The following PTBP3 variants were observed in gnomAD, a reference collection of about 807,000 sequenced individuals.
The protein encoded by PTBP3 is polypyrimidine tract binding protein 3, also known as polypyrimidine tract-binding protein 3.
A neutral mutation model predicts 58.7 loss-of-function variants in PTBP3; 20 were observed. That is an observed-to-expected ratio of 0.34 (90% CI 0.24 to 0.50). The LOEUF (loss-of-function observed/expected upper bound fraction) is 0.50, where lower values mean the gene tolerates loss of function less well. Ranked by LOEUF, PTBP3 falls within the 20% of genes least tolerant of loss-of-function variation. PTBP3 has a pLI of 0.98. For synonymous variants in PTBP3, 185 were observed against 219.8 expected (o/e 0.84, Z 1.40); for missense variants, 509 against 637.2 (o/e 0.80, Z 2.17).
rs182267038 is a variant in PTBP3, at chr9:112,298,959, A to G, written c.-51-1043T>C. 3.9e-4 allele frequency among the ~76,000 whole-genome samples: 60 copies of G among 152,268 alleles called. 1 individual carries two copies. The East Asian group carries it at 9.1e-3, about 23-fold the overall frequency. ...TAAGCAGGATAAAAGAAAACTGAAA[A>G]TCTCAACTCCCAGAAAAATCAAGAT... On this transcript the variant is annotated intron_variant, in intron 1 of 13. Coordinates refer to ENST00000374257, the MANE Select transcript of PTBP3 (RefSeq NM_001163788.4).
intron 2 of PTBP3, among the ~76,000 whole-genome samples, chr9:112,286,207 A>G (rs1440567813): frequency 6.6e-6 from 1 of 152,174 alleles, no homozygotes. Context: ...CATATTTAAA[A>G]TGGGTTTCTT....
chr9:112,292,768 G>C (rs1425221760), intron 2 of PTBP3, among the ~76,000 whole-genome samples: 1 of 152,154 alleles, frequency 6.6e-6, no homozygotes, highest in Non-Finnish European at 1.5e-5. Context: ...GAAGAGAAAA[G>C]GAAGAGTTGT....
chr9:112,327,786 A>G lies in PTBP3; in HGVS notation c.-52+5684T>C, dbSNP rs115229983. ...AATGATTTCTTTCTCACCATAGTAT[A>G]TGACTAATAGAGGAAAAAAAAAAAA... On this transcript the variant is annotated intron_variant, in intron 1 of 13. Transcript: ENST00000374257. Among the ~76,000 whole-genome samples, 556 of 137,262 alleles carry G rather than the reference A, an allele frequency of 4.1e-3. 4 individuals carry two copies. The highest frequency in any genetic ancestry group is 0.016 in the African/African-American group (538 of 33,702). The allele number at this position is 137,262 out of a possible 152,430, so 90.0% of individuals were successfully genotyped here. A position where few individuals can be genotyped will look rare whatever the true frequency, so the allele number is the denominator to read the frequency against.
In PTBP3 at chr9:112,232,328, A is replaced by G. The variant is rs887138483; in HGVS notation, c.881-90T>C. ...TTTAAGTAAATAAAGAGGAAAGGAAAACTACAGAAAGAAAATGTGTCAAGG... is the reference window on the plus strand; with the variant it reads ...TTTAAGTAAATAAAGAGGAAAGGAAGACTACAGAAAGAAAATGTGTCAAGG... On this transcript the variant is annotated intron_variant, in intron 8 of 13. Coordinates refer to ENST00000374257, the MANE Select transcript of PTBP3 (RefSeq NM_001163788.4). 16 of 1,278,476 alleles carry G rather than the reference A, an allele frequency of 1.3e-5. No individual in the cohort carries two copies. In the Admixed American group the frequency reaches 3.9e-4, roughly 31 times the overall value. The allele number at this position is 1,278,476 out of a possible 1,614,324, so 79.2% of individuals were successfully genotyped here. A position where few individuals can be genotyped will look rare whatever the true frequency, so the allele number is the denominator to read the frequency against.
At chr9:112,253,652 C>G (rs1290606956) in intron 5 of PTBP3, among the ~76,000 whole-genome samples, 1 of 152,154 alleles carries the variant, frequency 6.6e-6, no homozygotes, top group Non-Finnish European at 1.5e-5. Flanking sequence ...AAAGAGAGAC[C>G]TGGTGGGAGG....
the PTBP3 span, among the ~76,000 whole-genome samples, chr9:112,368,522 C>T: frequency 9.5e-5 from 3 of 31,568 alleles, no homozygotes; most frequent in Admixed American, 4.4e-4. Context: ...TTTATCAAAT[C>T]TTGGCTTTTT....
chr9:112,272,077 T>A (rs1564423116), intron 3 of PTBP3, among the ~76,000 whole-genome samples: 1 of 147,030 alleles, frequency 6.8e-6, no homozygotes, highest in African/African-American at 2.6e-5. Context: ...TTTTTATTTT[T>A]TATTTTTTTT....
rs1564387407 is a variant in PTBP3 at position 112,227,521 on chromosome 9, A to G, written c.1254T>C (p.Gly418=). 2 of 1,613,992 alleles carry G rather than the reference A, an allele frequency of 1.2e-6. No individual in the cohort carries two copies. Among genetic ancestry groups the G allele is most frequent in the East Asian group, 2.2e-5 (1 of 44,860 alleles). Residue 418 remains glycine, a synonymous_variant, in exon 12 of 14, where the codon GGT becomes GGC. Transcript: ENST00000374257. ...GACTATTGCTGAAATCCTTAGTCAG[A>G]CCTTGGTCTTCTTGTCCCTCTCGAG... ...QLPREGQEDQ[G]LTKDFSNSPL... is the part of the protein sequence containing the mutation.
At chr9:112,336,616 T>C (rs1220368669), upstream of PTBP3, among the ~76,000 whole-genome samples, 1 of 151,988 alleles carries the variant, frequency 6.6e-6, no homozygotes, top group Admixed American at 6.6e-5. Flanking sequence ...ACCCTGTCTC[T>C]ATATTTTTAT....
At chr9:112,361,206 C>T in the PTBP3 span, among the ~76,000 whole-genome samples, 2 of 152,132 alleles carry the variant, frequency 1.3e-5, no homozygotes, top group Non-Finnish European at 2.9e-5. Flanking sequence ...AAATGATTCT[C>T]TTGCCTCAGC....
At chr9:112,224,310 G>A in intron 12 of PTBP3, 100 bp from the exon 13 acceptor site, 1 of 694,364 alleles carries the variant, frequency 1.4e-6, no homozygotes, top group East Asian at 3.0e-5. Context: ...ATTTCAAACA[G>A]AATTATTAAG....
chr9:112,296,963 T>C (rs1057043935), intron 2 of PTBP3, among the ~76,000 whole-genome samples: 1 of 152,152 alleles, frequency 6.6e-6, no homozygotes, highest in African/African-American at 2.4e-5. Flanking sequence ...CAGTGCCAGT[T>C]ACCATCCTTT....
At chr9:112,296,308 G>A (rs560765263) in intron 2 of PTBP3, among the ~76,000 whole-genome samples, 39 of 152,124 alleles carry the variant, frequency 2.6e-4, no homozygotes, top group Middle Eastern at 6.8e-3. Flanking sequence ...TAGTTTGCCT[G>A]AGGCTGTCAC....
chr9:112,225,718 G>A lies in PTBP3; in HGVS notation c.1365-1508C>T, dbSNP rs146254029. On this transcript the variant is annotated intron_variant, in intron 12 of 13. Coordinates refer to ENST00000374257, the MANE Select transcript of PTBP3 (RefSeq NM_001163788.4). Reference sequence around the variant, plus strand: ...TCTTCTTCCTACATGTCCTATGTAGGTTGCAACTGGAGCCCAGCTCCTGCG... The same window carrying A: ...TCTTCTTCCTACATGTCCTATGTAGATTGCAACTGGAGCCCAGCTCCTGCG... 5.5e-3 allele frequency among the ~76,000 whole-genome samples: 834 copies of A among 152,162 alleles called. 26 individuals are homozygous for A. Among genetic ancestry groups the A allele is most frequent in the Non-Finnish European group, 1.2e-3 (83 of 68,004 alleles).
rs750607239 is a variant in PTBP3, at chr9:112,252,628, T to C, written c.627+50A>G. ...TGGTAAAGTGGGGCACAAGAGAAGG[T>C]ATCACTGGAGTGATTAACAATTGAA... On this transcript the variant is annotated intron_variant, in intron 6 of 13. Transcript: ENST00000374257. The C allele has an allele frequency of 1.2e-5, 16 of 1,297,464 alleles. No homozygotes were observed. In the Admixed American group the frequency reaches 2.4e-4, roughly 20 times the overall value. The allele number at this position is 1,297,464 out of a possible 1,614,324, so 80.4% of individuals were successfully genotyped here.
chr9:112,250,464 G>T (rs1335192312), intron 7 of PTBP3, among the ~76,000 whole-genome samples: 1 of 147,074 alleles, frequency 6.8e-6, no homozygotes, highest in East Asian at 2.0e-4. Flanking sequence ...GATACAGCTG[G>T]AAGTTCTGAA....
intron 7 of PTBP3, 46 bp downstream of exon 7, chr9:112,250,883 G>A (rs775534661): frequency 4.9e-6 from 7 of 1,441,224 alleles, no homozygotes; most frequent in Non-Finnish European, 5.5e-6. Flanking sequence ...AATGAAACTT[G>A]TAACTTCAGA....
chr9:112,229,192 TCTCA>T (rs1173880061), intron 10 of PTBP3, among the ~76,000 whole-genome samples: 2 of 152,210 alleles, frequency 1.3e-5, no homozygotes, highest in Non-Finnish European at 2.9e-5. Flanking sequence ...TCAATTCCAG[TCTCA>T]CTCGATTTTT....
chr9:112,260,831 C>T (rs1836564220), intron 5 of PTBP3, among the ~76,000 whole-genome samples: 1 of 152,122 alleles, frequency 6.6e-6, no homozygotes, highest in South Asian at 2.1e-4. Context: ...GGCTGAGTGT[C>T]CTACCCCAGC....
Sources: gnomAD v4.1 joint callset for allele counts (sites outside exome capture counted in the v4.1 genomes callset) on GRCh38, gnomAD v4.1.1 for gene constraint, MANE v1.5 for transcripts, NCBI Gene and HGNC (gene_info 2026-07-23, HGNC 2026-07-21) for gene names.